The following ARHGAP27 variants were observed in gnomAD, a reference collection of about 807,000 sequenced individuals.
The protein encoded by ARHGAP27 is rho GTPase-activating protein 27.
A neutral mutation model predicts 102.0 loss-of-function variants in ARHGAP27; 53 were observed. The observed-to-expected ratio is 0.52, with a 90% CI of 0.42 to 0.65. The LOEUF (loss-of-function observed/expected upper bound fraction) is 0.65, where lower values mean the gene tolerates loss of function less well. Ranked by LOEUF, ARHGAP27 falls within the 30% of genes least tolerant of loss-of-function variation. The pLI, the probability that ARHGAP27 is intolerant of heterozygous loss-of-function variation, is 0.00. For synonymous variants in ARHGAP27, 525 were observed against 542.8 expected, an observed-to-expected ratio of 0.97 and a Z score of 0.46; for missense variants, 1,117 against 1,256.2, an observed-to-expected ratio of 0.89 and a Z score of 1.68.
At chr17:45,429,485 A>G in intron 4 of ARHGAP27, 138 bp downstream of exon 4, 1 of 1,496,536 alleles carries the variant, frequency 6.7e-7, no homozygotes, top group Non-Finnish European at 8.8e-7. Flanking sequence ...GGGGAGAGGG[A>G]GCTCATCCGA....
intron 4 of ARHGAP27, among the ~76,000 whole-genome samples, chr17:45,414,917 A>G (rs1452837734): frequency 2.7e-5 from 4 of 149,352 alleles, no homozygotes; most frequent in Non-Finnish European, 6.0e-5. Flanking sequence ...AAAAAAAAAA[A>G]AAAAAAATAG....
chr17:45,424,660 G>A (rs2049372512), intron 4 of ARHGAP27, among the ~76,000 whole-genome samples: 1 of 147,416 alleles, frequency 6.8e-6, no homozygotes, highest in Non-Finnish European at 1.5e-5. Context: ...GGGGACTTGG[G>A]AGTGGGGGAA....
intron 4 of ARHGAP27, among the ~76,000 whole-genome samples, chr17:45,421,345 G>A (rs2144929699): frequency 6.6e-6 from 1 of 151,312 alleles, no homozygotes; most frequent in East Asian, 2.0e-4. Flanking sequence ...AGCTGGGCAC[G>A]GTGGCGTGCG....
intron 4 of ARHGAP27, among the ~76,000 whole-genome samples, chr17:45,412,499 T>C (rs549247394): frequency 6.6e-6 from 1 of 152,220 alleles, no homozygotes; most frequent in East Asian, 1.9e-4. Context: ...AGAGGCAAAA[T>C]GAACGCCTCC....
rs71136087 is a variant in ARHGAP27, at chr17:45,419,512, GTATATATATATA to G, written c.657+10099_657+10110del. Among the ~76,000 whole-genome samples the G allele has an allele frequency of 2.6e-3, 309 of 119,760 alleles. 3 individuals carry two copies. Among genetic ancestry groups the G allele is most frequent in the African/African-American group, 6.5e-3 (188 of 29,104 alleles). The allele number at this position is 119,760 out of a possible 152,430, so 78.6% of individuals were successfully genotyped here. A position where few individuals can be genotyped will look rare whatever the true frequency, so the allele number is the denominator to read the frequency against. ...TATATATAAAAGACTTATGCTGTAT[GTATATATATATA>G]TATATATATATATATATATATATAT... On this transcript the variant is annotated intron_variant, in intron 4 of 19. Coordinates refer to ENST00000685559, the MANE Select transcript of ARHGAP27 (RefSeq NM_001282290.2).
At chr17:45,429,431 G>A (rs2049880144) in intron 4 of ARHGAP27, 192 bp downstream of exon 4, 4 of 1,412,798 alleles carry the variant, frequency 2.8e-6, no homozygotes, top group Non-Finnish European at 3.7e-6. Flanking sequence ...CTTGGGAATT[G>A]CTGATGAGGG....
At chr17:45,401,627 C>G (rs1387538294) in intron 12 of ARHGAP27, 9 of 152,202 alleles carry the variant, frequency 5.9e-5, no homozygotes, top group Admixed American at 5.9e-4. Flanking sequence ...AGCTGTTTTG[C>G]AGGGTACCTG....
chr17:45,395,695 C>A, intron 19 of ARHGAP27, 49 bp downstream of exon 19: 1 of 1,567,682 alleles, frequency 6.4e-7, no homozygotes, highest in Non-Finnish European at 8.6e-7. Flanking sequence ...GCGCTGGGGG[C>A]TTCAGCCGGG....
rs1284507102 is a variant in ARHGAP27, at chr17:45,395,345, C to A, written c.*111G>T. On this transcript the variant is annotated 3_prime_UTR_variant, in exon 20 of 20. Coordinates refer to ENST00000685559, the MANE Select transcript of ARHGAP27 (RefSeq NM_001282290.2). The stretch of plus-strand genomic sequence containing the variant: ...AGGGTGCAGAAGTCACACCGGCCTG[C>A]GGCTATGCGCTGGCGGAGGGTCCCA... The A allele has an allele frequency of 6.7e-6, 9 of 1,344,660 alleles. No homozygotes were observed. Among genetic ancestry groups the A allele is most frequent in the East Asian group, 2.5e-5 (1 of 39,460 alleles). 83.3% of individuals were successfully genotyped at this position (1,344,660 alleles called of 1,614,324 possible). A position where few individuals can be genotyped will look rare whatever the true frequency, so the allele number is the denominator to read the frequency against.
intron 11 of ARHGAP27, 43 bp from the exon 12 acceptor site, chr17:45,402,861 A>C (rs1242754493): frequency 2.6e-6 from 4 of 1,520,504 alleles, no homozygotes; most frequent in East Asian, 2.3e-5. Context: ...CTCAGTTCAG[A>C]TGTGTCTGCT....
At chr17:45,410,084 TG>T in intron 4 of ARHGAP27, 1 of 1,036,248 alleles carries the variant, frequency 9.7e-7, no homozygotes, top group South Asian at 1.6e-5. Flanking sequence ...ACCTCTTGGA[TG>T]GGCAGGGCCT....
At position 45,403,606 on chromosome 17, in the gene ARHGAP27, G is replaced by A. The variant is rs369048757; in HGVS notation, c.1638+13C>T. 7.8e-5 allele frequency: 125 copies of A among 1,607,116 alleles called. No homozygotes were observed. In the African/African-American group the frequency reaches 1.4e-3, roughly 17 times the overall value. On this transcript the variant is annotated intron_variant, in intron 11 of 19. Coordinates refer to ENST00000685559, the MANE Select transcript of ARHGAP27 (RefSeq NM_001282290.2). Reference sequence around the variant, plus strand: ...CAGATGGGATGGTCCCTGCCCTGAGGGCCTGGCCTTACCAGGCCGCCTGCA... The same window carrying A: ...CAGATGGGATGGTCCCTGCCCTGAGAGCCTGGCCTTACCAGGCCGCCTGCA...
rs2145098674 is a variant in ARHGAP27 at position 45,430,524 on chromosome 17, A to G, written c.-18-227T>C. On this transcript the variant is annotated intron_variant, in intron 3 of 19. Transcript: ENST00000685559. This position sits in a 1 kb window ranked among gnomAD's most constrained non-coding sequence, Gnocchi z 4.4. The stretch of plus-strand genomic sequence containing the variant: ...GACAGCCCTTCGTTCTGTGGGGTTG[A>G]TTCTAAGATTTGACCCTTGCTTCAG... 6.6e-6 allele frequency among the ~76,000 whole-genome samples: 1 copy of G among 152,250 alleles called. No homozygotes were observed. The highest frequency in any genetic ancestry group is 2.4e-5 in the African/African-American group (1 of 41,532).
chr17:45,412,941 G>GACTGT (rs2048072041), intron 4 of ARHGAP27, among the ~76,000 whole-genome samples: 1 of 143,520 alleles, frequency 7.0e-6, no homozygotes, highest in Admixed American at 7.2e-5. Flanking sequence ...TCCCAGGTGT[G>GACTGT]GCACCACGGC....
chr17:45,402,914 GC>G, intron 11 of ARHGAP27, 96 bp from the exon 12 acceptor site: 2 of 1,092,918 alleles, frequency 1.8e-6, no homozygotes, highest in Non-Finnish European at 2.7e-6. Context: ...CACTGGCATG[GC>G]CAGGAAACAA....
intron 19 of ARHGAP27, 26 bp downstream of exon 19, chr17:45,395,718 C>G (rs779045164): frequency 4.4e-6 from 7 of 1,574,618 alleles, no homozygotes; most frequent in East Asian, 2.3e-5. Flanking sequence ...CTGCCTCCCC[C>G]TTCCCGCGCG....
chr17:45,413,776 C>T (rs1424357084), intron 4 of ARHGAP27, among the ~76,000 whole-genome samples: 2 of 152,046 alleles, frequency 1.3e-5, no homozygotes, highest in African/African-American at 2.4e-5. Flanking sequence ...CTGGCAGACA[C>T]CCAGCAGGGC....
intron 4 of ARHGAP27, chr17:45,425,725 C>T: frequency 1.2e-6 from 1 of 843,288 alleles, no homozygotes; most frequent in Non-Finnish European, 1.4e-6. Flanking sequence ...GGGGCGGGCT[C>T]CAGGCCAGCT....
chr17:45,429,570 G>A lies in ARHGAP27; in HGVS notation c.657+53C>T, dbSNP rs1184182348. ...CTCCTTGCGCCCCGGCTCCGTGCGG[G>A]CGCGGTCCCTAGCGCGCCACCCGCC... On this transcript the variant is annotated intron_variant, in intron 4 of 19. Transcript: ENST00000685559. 12 of 1,577,068 alleles carry A rather than the reference G, an allele frequency of 7.6e-6. No individual in the cohort carries two copies. Among genetic ancestry groups the A allele is most frequent in the Admixed American group, 1.8e-5 (1 of 56,530 alleles).
Sources: allele counts gnomAD v4.1 joint callset (sites outside exome capture counted in the v4.1 genomes callset), GRCh38; gene constraint gnomAD v4.1.1; non-coding constraint Gnocchi (gnomAD v3.1); transcripts MANE v1.5; gene names NCBI Gene and HGNC (gene_info 2026-07-23, HGNC 2026-07-21).